Variants in JAK1 observed in about 807,000 individuals in gnomAD.
The protein encoded by JAK1 is Janus kinase 1, also known as tyrosine-protein kinase JAK1.
A neutral mutation model predicts 136.6 loss-of-function variants in JAK1; 16 were observed. The observed-to-expected ratio is 0.12, with a 90% CI of 0.08 to 0.18. The LOEUF (loss-of-function observed/expected upper bound fraction) is 0.18, where lower values mean the gene tolerates loss of function less well. JAK1 is among the 10% of genes least tolerant of loss of function. The pLI, the probability that JAK1 is intolerant of heterozygous loss-of-function variation, is 1.00. For synonymous variants in JAK1, 492 were observed against 519.5 expected (o/e 0.95, Z 0.72); for missense variants, 859 against 1,450.1 (o/e 0.59, Z 6.62).
chr1:65,016,070 C>T (rs940933853), intron 2 of JAK1, among the ~76,000 whole-genome samples: 2 of 152,120 alleles, frequency 1.3e-5, no homozygotes, highest in Non-Finnish European at 2.9e-5. Context: ...AAGACATATG[C>T]TAAGTGAAAT....
At chr1:65,047,761 C>A (rs1053145867) in intron 1 of JAK1, among the ~76,000 whole-genome samples, 1 of 151,856 alleles carries the variant, frequency 6.6e-6, no homozygotes, top group African/African-American at 2.4e-5. Flanking sequence ...AGCTTACATT[C>A]TAGTGGAGTC....
At chr1:64,861,210 C>T (rs1367279283) in intron 8 of JAK1, among the ~76,000 whole-genome samples, 2 of 152,188 alleles carry the variant, frequency 1.3e-5, no homozygotes, top group Admixed American at 6.5e-5. Flanking sequence ...TGGTTCATCT[C>T]ATAGCAGACT....
intron 2 of JAK1, among the ~76,000 whole-genome samples, chr1:64,998,972 C>T (rs1275938622): frequency 6.6e-6 from 1 of 152,192 alleles, no homozygotes; most frequent in African/African-American, 2.4e-5. Context: ...AACTACAGCA[C>T]TTAAGTATGA....
At chr1:65,009,988 C>G (rs1049035202) in intron 2 of JAK1, among the ~76,000 whole-genome samples, 5 of 152,228 alleles carry the variant, frequency 3.3e-5, no homozygotes, top group Admixed American at 2.6e-4. Flanking sequence ...TTTTCATGTT[C>G]ATGTACCCAC....
intron 2 of JAK1, chr1:64,986,196 C>T (rs1646598051): frequency 2.6e-6 from 1 of 387,846 alleles, no homozygotes; most frequent in Non-Finnish European, 4.9e-6. Flanking sequence ...ACCTCTGCCT[C>T]CCGGGTTCAG....
chr1:64,864,239 T>C (rs914909288), intron 8 of JAK1, among the ~76,000 whole-genome samples: 2 of 152,348 alleles, frequency 1.3e-5, no homozygotes, highest in South Asian at 4.1e-4. Context: ...AACAGGTTTA[T>C]TTTGGCAGAG....
At chr1:64,940,985 C>A (rs913758758) in intron 1 of JAK1, among the ~76,000 whole-genome samples, 4 of 151,990 alleles carry the variant, frequency 2.6e-5, no homozygotes, top group Non-Finnish European at 5.9e-5. Context: ...AGCAACATGG[C>A]AAAACCCTGT....
chr1:65,038,086 G>T, intron 2 of JAK1, among the ~76,000 whole-genome samples: 1 of 152,050 alleles, frequency 6.6e-6, no homozygotes, highest in Admixed American at 6.5e-5. Context: ...GGGAATGTTT[G>T]GGGCCATCCG....
intron 2 of JAK1, among the ~76,000 whole-genome samples, chr1:65,031,723 T>C (rs1042979662): frequency 1.3e-5 from 2 of 152,126 alleles, no homozygotes; most frequent in Non-Finnish European, 2.9e-5. Flanking sequence ...AGGGGTCTCC[T>C]AACATCTCAT....
intron 17 of JAK1, among the ~76,000 whole-genome samples, chr1:64,842,683 C>G (rs958028606): frequency 6.6e-6 from 1 of 152,134 alleles, no homozygotes; most frequent in African/African-American, 2.4e-5. Context: ...GCCCAGGGTA[C>G]GCAGCACGTG....
Position 64,962,979 on chromosome 1 carries a change from C to T in JAK1, c.-78+3354G>A, listed in dbSNP as rs976821006. On this transcript the variant is annotated intron_variant, in intron 1 of 24. Coordinates refer to ENST00000342505, the MANE Select transcript of JAK1 (RefSeq NM_002227.4). ...CCCAGCTACTCGGGAGGCTGAGGCACGAGAATCACTTGAACCTGGGAGGCA... is the reference window on the plus strand; with the variant it reads ...CCCAGCTACTCGGGAGGCTGAGGCATGAGAATCACTTGAACCTGGGAGGCA... Among the ~76,000 whole-genome samples the T allele has an allele frequency of 5.3e-5, 8 of 152,110 alleles. No individual in the cohort carries two copies. In the East Asian group the frequency reaches 1.5e-3, roughly 29 times the overall value.
chr1:64,928,212 G>C (rs1338117860), intron 1 of JAK1, among the ~76,000 whole-genome samples: 3 of 152,184 alleles, frequency 2.0e-5, no homozygotes, highest in Non-Finnish European at 4.4e-5. Flanking sequence ...GGGAGGGGTA[G>C]CTGGTTCCTT....
intron 2 of JAK1, among the ~76,000 whole-genome samples, chr1:65,034,861 C>A (rs763533658): frequency 1.3e-5 from 2 of 152,250 alleles, no homozygotes; most frequent in South Asian, 2.1e-4. Flanking sequence ...TCAAGACCAG[C>A]CTGGCTAACA....
chr1:65,048,249 T>A (rs1647207313), intron 1 of JAK1, among the ~76,000 whole-genome samples: 1 of 152,132 alleles, frequency 6.6e-6, no homozygotes, highest in Admixed American at 6.5e-5. Context: ...AGTGACCTAG[T>A]TTTTCTAGGT....
In JAK1 at chr1:65,052,275, G is replaced by A. The variant is rs1647312547; in HGVS notation, c.-180-7693C>T. ...TGTACTTGGCAATCTCCTCCAGTGG[G>A]AATCCTTACACTCATCATGTCTTAA... On this transcript the variant is annotated intron_variant, in intron 1 of 25. Transcript: ENST00000671954. 4.6e-5 allele frequency among the ~76,000 whole-genome samples: 7 copies of A among 152,138 alleles called. No individual in the cohort carries two copies. The South Asian group carries it at 1.5e-3, about 32-fold the overall frequency.
intron 1 of JAK1, among the ~76,000 whole-genome samples, chr1:64,941,078 C>T (rs1268773306): frequency 6.6e-6 from 1 of 152,190 alleles, no homozygotes; most frequent in Non-Finnish European, 1.5e-5. Context: ...GCAGGAGAAT[C>T]ACCTGAACAT....
chr1:64,975,763 G>A (rs1646492910), intron 2 of JAK1, among the ~76,000 whole-genome samples: 1 of 152,138 alleles, frequency 6.6e-6, no homozygotes, highest in South Asian at 2.1e-4. Context: ...CCTAATTCCA[G>A]TGAGTCAAGG....
At chr1:64,951,681 C>T (rs1452085225) in intron 1 of JAK1, among the ~76,000 whole-genome samples, 6 of 92,078 alleles carry the variant, frequency 6.5e-5, no homozygotes, top group African/African-American at 2.2e-4. Context: ...TTTTTTGAGA[C>T]GGAGTCTCGC....
chr1:64,980,074 G>A lies in JAK1; in HGVS notation c.-78+64406C>T, dbSNP rs558733974. Among the ~76,000 whole-genome samples the A allele has an allele frequency of 7.6e-4, 115 of 152,196 alleles. 1 individual carries two copies. In the South Asian group the frequency reaches 0.019, roughly 26 times the overall value. ...GATATTTGTAGAGCATCTACTATACGTCAGACACTGTACTAAGTAAGCTTT... is the reference window on the plus strand; with the variant it reads ...GATATTTGTAGAGCATCTACTATACATCAGACACTGTACTAAGTAAGCTTT... On this transcript the variant is annotated intron_variant, in intron 2 of 25. Coordinates refer to the JAK1 transcript ENST00000671954.
Sources: gnomAD v4.1 joint callset for allele counts (sites outside exome capture counted in the v4.1 genomes callset) on GRCh38, gnomAD v4.1.1 for gene constraint, MANE v1.5 for transcripts, NCBI Gene and HGNC (gene_info 2026-07-23, HGNC 2026-07-21) for gene names.